The following SNX7 variants were observed in gnomAD, a reference collection of about 807,000 sequenced individuals.
SNX7 encodes the protein sorting nexin 7, also known as sorting nexin-7.
SNX7 carries 35 observed loss-of-function variants against 48.4 expected under a neutral mutation model. That is an observed-to-expected ratio of 0.72 (90% confidence interval 0.55 to 0.96). The LOEUF is 0.96. Among genes scored for constraint, SNX7 ranks in the 40% least tolerant of loss-of-function variants. The pLI is 0.00. For missense variants in SNX7, 553 were observed against 548.9 expected (o/e 1.01, Z -0.07); for synonymous variants, 190 against 190.2 (o/e 1.00, Z 0.01).
At chr1:98,689,625 T>C (rs1026691402) in intron 2 of SNX7, among the ~76,000 whole-genome samples, 6 of 152,186 alleles carry the variant, frequency 3.9e-5, no homozygotes, top group Non-Finnish European at 8.8e-5. Context: ...GAGTGCTTCA[T>C]TGTTCGTTAT....
intron 1 of SNX7, among the ~76,000 whole-genome samples, chr1:98,663,903 T>C (rs886624841): frequency 5.3e-5 from 8 of 152,284 alleles, no homozygotes; most frequent in African/African-American, 1.7e-4. Flanking sequence ...GATATAATAT[T>C]AGTGAAAATC....
At chr1:98,669,527 T>A (rs939117582) in intron 1 of SNX7, among the ~76,000 whole-genome samples, 21 of 152,220 alleles carry the variant, frequency 1.4e-4, no homozygotes, top group African/African-American at 3.9e-4. Context: ...CTGGAGAGCC[T>A]CACTATTCAG....
intron 8 of SNX7, among the ~76,000 whole-genome samples, chr1:98,744,260 A>G (rs932658938): frequency 6.6e-6 from 1 of 152,002 alleles, no homozygotes; most frequent in African/African-American, 2.4e-5. Context: ...AAAATCATAC[A>G]CTCTAAATGA....
Position 98,695,633 on chromosome 1 carries a change from A to T in SNX7, c.755A>T (p.Glu252Val). 1 of 1,613,038 alleles carries T rather than the reference A, an allele frequency of 6.2e-7. No homozygotes were observed. The highest frequency in any genetic ancestry group is 8.5e-7 in the Non-Finnish European group (1 of 1,178,990). The change falls in exon 5 of 9, where the codon GAA becomes GTA. Residue 252 changes from glutamate (E) to valine (V), a missense_variant. Glu to Val is a moderately radical substitution (Grantham distance 121, BLOSUM62 -2). Transcript: ENST00000306121. Reference protein sequence around the residue: ...GVKNRPEEFMEMNNFIELFSQ... With the variant: ...GVKNRPEEFMVMNNFIELFSQ... ...AAAAACCGCCCAGAGGAGTTCATGG[A>T]AATGAATAACTTTATTGAACTATTT...
chr1:98,680,255 G>A (rs746408611), intron 1 of SNX7, among the ~76,000 whole-genome samples: 9 of 152,138 alleles, frequency 5.9e-5, no homozygotes, highest in Non-Finnish European at 1.0e-4. Flanking sequence ...TGAAGCAGCT[G>A]GAGTGGCTGG....
chr1:98,751,719 T>C (rs773649737), intron 8 of SNX7, among the ~76,000 whole-genome samples: 13 of 152,016 alleles, frequency 8.6e-5, no homozygotes, highest in Non-Finnish European at 1.5e-4. Flanking sequence ...TGGTTTCATG[T>C]AGTAGAGCAC....
At chr1:98,731,520 C>T (rs1653514116) in intron 7 of SNX7, among the ~76,000 whole-genome samples, 1 of 152,058 alleles carries the variant, frequency 6.6e-6, no homozygotes, top group African/African-American at 2.4e-5. Context: ...AACTCAATTA[C>T]TATACAGTCA....
chr1:98,699,001 T>G, intron 6 of SNX7, 96 bp downstream of exon 6: 1 of 1,186,946 alleles, frequency 8.4e-7, no homozygotes, highest in Non-Finnish European at 1.2e-6. Flanking sequence ...CCACTATCTT[T>G]TTGTCCTAGC....
chr1:98,741,383 A>G (rs987655046), intron 8 of SNX7, among the ~76,000 whole-genome samples: 2 of 152,166 alleles, frequency 1.3e-5, no homozygotes, highest in African/African-American at 2.4e-5. Context: ...GTGTCATGTT[A>G]TATTTAGAGG....
At chr1:98,756,218 A>G (rs371080953) in intron 8 of SNX7, among the ~76,000 whole-genome samples, 1 of 151,694 alleles carries the variant, frequency 6.6e-6, no homozygotes, top group East Asian at 1.9e-4. Context: ...ATTCCCTTTC[A>G]TCTGGCTTTT....
chr1:98,693,344 C>T (rs930182438), intron 4 of SNX7, among the ~76,000 whole-genome samples: 4 of 152,058 alleles, frequency 2.6e-5, no homozygotes, highest in African/African-American at 9.7e-5. Context: ...AAGAAAGATA[C>T]CAGACAGGAC....
chr1:98,661,806 G>A lies in SNX7; in HGVS notation c.75G>A (p.Pro25=). 2 of 1,244,808 alleles carry A rather than the reference G, an allele frequency of 1.6e-6. No individual in the cohort carries two copies. The highest frequency in any genetic ancestry group is 2.0e-6 in the Non-Finnish European group (2 of 986,920). 77.1% of individuals were successfully genotyped at this position (1,244,808 alleles called of 1,614,324 possible). A position where few individuals can be genotyped will look rare whatever the true frequency, so the allele number is the denominator to read the frequency against. ...LPAGGANGES[P]GGGAPFPGSS... is the part of the protein sequence containing the mutation. The stretch of plus-strand genomic sequence containing the variant: ...CCGGGGGCGCCAACGGGGAGAGCCC[G>A]GGGGGCGGCGCCCCCTTTCCGGGCA... The change falls in exon 1 of 9, where the codon CCG becomes CCA. Residue 25 remains proline, a synonymous_variant. Coordinates refer to ENST00000306121, the MANE Select transcript of SNX7 (RefSeq NM_015976.5).
intron 1 of SNX7, among the ~76,000 whole-genome samples, chr1:98,664,330 C>T (rs1006723463): frequency 2.6e-5 from 4 of 152,110 alleles, no homozygotes; most frequent in African/African-American, 9.7e-5. Flanking sequence ...GAGTTCACAA[C>T]CAGCCTGGCC....
chr1:98,691,527 TG>T lies in SNX7; in HGVS notation c.475-7del, dbSNP rs753748186. ...ACTTGAATACCTTTTTAATTTTTTT[TG>T]CCTTAGCCATTGCCAGAAAAGTTTA... On this transcript the variant is annotated splice_region_variant and splice_polypyrimidine_tract_variant and intron_variant, in intron 3 of 8. Transcript: ENST00000306121. 1 of 1,557,404 alleles carries T rather than the reference TG, an allele frequency of 6.4e-7. No homozygotes were observed. Among genetic ancestry groups the T allele is most frequent in the African/African-American group, 1.4e-5 (1 of 71,694 alleles).
chr1:98,681,207 C>T (rs1022871106), intron 1 of SNX7, among the ~76,000 whole-genome samples: 3 of 152,174 alleles, frequency 2.0e-5, no homozygotes, highest in Non-Finnish European at 4.4e-5. Context: ...TCTCATGAGA[C>T]TTATTCACTA....
intron 7 of SNX7, among the ~76,000 whole-genome samples, chr1:98,725,011 A>G (rs1336100246): frequency 6.6e-6 from 1 of 152,164 alleles, no homozygotes; most frequent in Non-Finnish European, 1.5e-5. Context: ...AATATGGTGT[A>G]CGGTTCAAAC....
chr1:98,681,152 C>T (rs550102967), intron 1 of SNX7, among the ~76,000 whole-genome samples: 70 of 152,174 alleles, frequency 4.6e-4, no homozygotes, highest in African/African-American at 1.2e-3. Flanking sequence ...GGCAGCAGGC[C>T]GAAAGAACTT....
At chr1:98,721,161 TG>T (rs1033840700) in intron 7 of SNX7, among the ~76,000 whole-genome samples, 3 of 152,126 alleles carry the variant, frequency 2.0e-5, no homozygotes, top group African/African-American at 7.2e-5. Context: ...TTTTGAGTAC[TG>T]ACATGACGCT....
At chr1:98,701,931 C>T in intron 7 of SNX7, 28 bp downstream of exon 7, 1 of 1,483,848 alleles carries the variant, frequency 6.7e-7, no homozygotes, top group Non-Finnish European at 9.3e-7. Flanking sequence ...TTGATACAAT[C>T]ATATAGAATT....
Sources: allele counts gnomAD v4.1 joint callset (sites outside exome capture counted in the v4.1 genomes callset), GRCh38; gene constraint gnomAD v4.1.1; transcripts MANE v1.5; gene names NCBI Gene and HGNC (gene_info 2026-07-23, HGNC 2026-07-21).